IL9: variants seen among roughly 807,000 people sequenced by gnomAD.
IL9 encodes the protein interleukin-9.
In IL9, 16 loss-of-function variants were observed where a neutral mutation model predicts 12.9. That is an observed-to-expected ratio of 1.24 (90% confidence interval 0.84 to 1.88). The LOEUF is 1.88. Among genes scored for constraint, IL9 ranks in the 40% most tolerant of loss-of-function variants. IL9 has a pLI of 0.00. For missense variants in IL9, 170 were observed against 173.1 expected (o/e 0.98, Z 0.10); for synonymous variants, 69 against 63.8 (o/e 1.08, Z -0.39).
Position 135,895,575 on chromosome 5 carries a change from T to G in IL9, c.130A>C (p.Lys44Gln). The G allele has an allele frequency of 6.2e-7, 1 of 1,614,186 alleles. No individual in the cohort carries two copies. ...CTCACATTAGCACTGCAGTGGCACT[T>G]GGAAGCTGGATCTTCCTAAAGTAGA... ...INKMQEDPAS[K>Q]CHCSANVTSC... The change falls in exon 2 of 5, where the codon AAG (lysine) becomes CAG (glutamine). Residue 44 changes from lysine to glutamine, a missense_variant. Lys to Gln is a moderately conservative substitution (Grantham distance 53, BLOSUM62 1). Coordinates refer to ENST00000274520, the MANE Select transcript of IL9 (RefSeq NM_000590.2).
At chr5:135,895,376 A>G in intron 3 of IL9, 64 bp downstream of exon 3, 4 of 1,345,698 alleles carry the variant, frequency 3.0e-6, no homozygotes, top group Non-Finnish European at 4.1e-6. Context: ...AAAGCAACTT[A>G]TTTTTACTTA....
chr5:135,895,762 G>A lies in IL9; in HGVS notation c.55C>T (p.Gln19Ter), dbSNP rs1762931768. ...SALLLCSVAG[Q>*]GCPTLAGILD... ...ATCCCCGCCAAGGTTGGACACCCCT[G>A]GCCTGCCACGGAGCACAGGAGCAGG... The change falls in exon 1 of 5, where the codon CAG becomes TAG. Residue 19 changes from glutamine to a stop codon, truncating the protein, a stop_gained. Transcript: ENST00000274520. LOFTEE classifies it high-confidence loss of function. 1 of 1,614,002 alleles carries A rather than the reference G, an allele frequency of 6.2e-7. No individual in the cohort carries two copies. The highest frequency in any genetic ancestry group is 1.1e-5 in the South Asian group (1 of 91,068).
At chr5:135,895,319 C>T (rs1336019644) in intron 3 of IL9, 121 bp downstream of exon 3, 14 of 784,572 alleles carry the variant, frequency 1.8e-5, no homozygotes, top group Non-Finnish European at 2.8e-5. Context: ...GAATACTAAT[C>T]TGTAACAATT....
Position 135,895,817 on chromosome 5 carries a change from C to T in IL9, c.-1G>A. 6.2e-7 allele frequency: 1 copy of T among 1,607,978 alleles called. No homozygotes were observed. The highest frequency in any genetic ancestry group is 1.1e-5 in the South Asian group (1 of 90,780). On this transcript the variant is annotated 5_prime_UTR_variant, in exon 1 of 5. Transcript: ENST00000274520. Reference sequence around the variant, plus strand: ...AGGTAAGGACCATGGCCAGAAGCATCTTGACAGCGGACTGGAGCTCGCTTG... The same window carrying T: ...AGGTAAGGACCATGGCCAGAAGCATTTTGACAGCGGACTGGAGCTCGCTTG...
chr5:135,892,465 C>A lies in IL9; in HGVS notation c.361G>T (p.Ala121Ser), dbSNP rs534018695. 1.2e-6 allele frequency: 2 copies of A among 1,613,242 alleles called. No homozygotes were observed. Among genetic ancestry groups the A allele is most frequent in the Non-Finnish European group, 1.7e-6 (2 of 1,179,636 alleles). The change falls in exon 5 of 5, where the codon GCG (alanine) becomes TCG (serine). Residue 121 changes from alanine to serine, a missense_variant. Coordinates refer to ENST00000274520, the MANE Select transcript of IL9 (RefSeq NM_000590.2). Reference sequence around the variant, plus strand: ...AGAAGACTCTTCAGAAATGTCAGCGCGTTGCCTGCCGTGGTTTGGTTGCAT... The same window carrying A: ...AGAAGACTCTTCAGAAATGTCAGCGAGTTGCCTGCCGTGGTTTGGTTGCAT... Reference protein sequence around the residue: ...QPCNQTTAGNALTFLKSLLEI... With the variant: ...QPCNQTTAGNSLTFLKSLLEI...
chr5:135,892,878 C>G (rs1581081308), intron 4 of IL9, among the ~76,000 whole-genome samples: 1 of 151,942 alleles, frequency 6.6e-6, no homozygotes, highest in South Asian at 2.1e-4. Context: ...GTTGTCTTTC[C>G]AAGGTCATTT....
intron 4 of IL9, among the ~76,000 whole-genome samples, chr5:135,892,913 G>T (rs189924134): frequency 6.6e-6 from 1 of 152,098 alleles, no homozygotes; most frequent in Non-Finnish European, 1.5e-5. Flanking sequence ...TAAGAGTGGG[G>T]CTCTGAGGTC....
Position 135,895,804 on chromosome 5 carries a change from T to C in IL9, c.13A>G (p.Met5Val). The C allele has an allele frequency of 2.5e-6, 4 of 1,613,192 alleles. No individual in the cohort carries two copies. The highest frequency in any genetic ancestry group is 1.3e-5 in the African/African-American group (1 of 75,000). ...AGGAGCAGGGCAGAGGTAAGGACCA[T>C]GGCCAGAAGCATCTTGACAGCGGAC... MLLA[M>V]VLTSALLLCS... Residue 5 changes from methionine (M) to valine (V), a missense_variant, in exon 1 of 5, where the codon ATG (methionine) becomes GTG (valine). Met to Val is a conservative substitution (Grantham distance 21, BLOSUM62 1). Transcript: ENST00000274520.
chr5:135,892,749 C>A, intron 4 of IL9, among the ~76,000 whole-genome samples: 1 of 117,870 alleles, frequency 8.5e-6, no homozygotes, highest in African/African-American at 3.0e-5. Context: ...CACACACACA[C>A]ACACACACAC....
chr5:135,894,068 G>A lies in IL9; in HGVS notation c.267C>T (p.Phe89=), dbSNP rs1762910503. Residue 89 remains phenylalanine (F), a synonymous_variant, in exon 4 of 5, where the codon TTC becomes TTT. Transcript: ENST00000274520. The part of the protein sequence containing the change: ...TTMQTRYPLI[F]SRVKKSVEVL... ...CTTCAACTGATTTTTTCACCCGACT[G>A]AAAATCAGTGGGTATCTTGTTTGCA... 1.9e-6 allele frequency: 3 copies of A among 1,612,722 alleles called. No homozygotes were observed. The highest frequency in any genetic ancestry group is 2.5e-6 in the Non-Finnish European group (3 of 1,179,504).
At chr5:135,893,974 A>G (rs372128989) in intron 4 of IL9, 46 bp downstream of exon 4, 4 of 1,560,766 alleles carry the variant, frequency 2.6e-6, no homozygotes, top group South Asian at 1.2e-5. Flanking sequence ...CACCATTCAC[A>G]TAGAAATCAC....
Position 135,892,447 on chromosome 5 carries a change from T to A in IL9, c.379A>T (p.Ser127Cys), listed in dbSNP as rs1358669535. The change falls in exon 5 of 5, where the codon AGT becomes TGT. Residue 127 changes from serine to cysteine, a missense_variant. By Grantham distance (112) the Ser-to-Cys change is moderately radical (BLOSUM62 -1). Transcript: ENST00000274520. ...TCTTTCTGGAAAATTTCCAGAAGAC[T>A]CTTCAGAAATGTCAGCGCGTTGCCT... ...TAGNALTFLK[S>C]LLEIFQKEKM... 2 of 1,613,106 alleles carry A rather than the reference T, an allele frequency of 1.2e-6. No homozygotes were observed. The highest frequency in any genetic ancestry group is 3.3e-5 in the Admixed American group (2 of 59,910).
At chr5:135,893,303 T>C (rs1033947599) in intron 4 of IL9, among the ~76,000 whole-genome samples, 8 of 152,166 alleles carry the variant, frequency 5.3e-5, no homozygotes, top group Non-Finnish European at 1.2e-4. Context: ...CCTGGGTGCA[T>C]TGCCCTTTAA....
intron 4 of IL9, among the ~76,000 whole-genome samples, chr5:135,892,867 G>A (rs1168082303): frequency 1.3e-5 from 2 of 151,820 alleles, no homozygotes; most frequent in Non-Finnish European, 2.9e-5. Context: ...TATCCTTTTA[G>A]GTTGTCTTTC....
rs766184152 is a variant in IL9, at chr5:135,895,440, A to G, written c.183T>C (p.Ser61=). ...VTSCLCLGIP[S]DNCTRPCFSE... ...CATTATGTTATTTCACTATACTTAC[A>G]GAGGGAATGCCCAAACAGAGACAAC... The change falls in exon 3 of 5, where the codon TCT becomes TCC. Residue 61 remains serine (S), a splice_region_variant and synonymous_variant. Coordinates refer to ENST00000274520, the MANE Select transcript of IL9 (RefSeq NM_000590.2). 18 of 1,613,044 alleles carry G rather than the reference A, an allele frequency of 1.1e-5. No individual in the cohort carries two copies. The highest frequency in any genetic ancestry group is 1.7e-4 in the Middle Eastern group (1 of 6,054).
chr5:135,895,243 A>G (rs979046057), intron 3 of IL9, among the ~76,000 whole-genome samples, 197 bp downstream of exon 3: 3 of 152,224 alleles, frequency 2.0e-5, no homozygotes, highest in Non-Finnish European at 2.9e-5. Flanking sequence ...AGAAATGTTC[A>G]TAATATAGGA....
At chr5:135,893,773 T>A (rs1047397894) in intron 4 of IL9, among the ~76,000 whole-genome samples, 10 of 152,250 alleles carry the variant, frequency 6.6e-5, no homozygotes, top group Non-Finnish European at 1.2e-4. Context: ...AAGGATTCTT[T>A]CATTATTCCA....
At chr5:135,893,222 G>A (rs2069888) in intron 4 of IL9, among the ~76,000 whole-genome samples, 3,946 of 152,294 alleles carry the variant, frequency 0.026, 78 homozygotes, top group Non-Finnish European at 0.039. Context: ...TGCTGTCAGG[G>A]ACTAGGGTAT....
In IL9 at chr5:135,895,530, A is replaced by G. The variant is rs373246078; in HGVS notation, c.150+25T>C. On this transcript the variant is annotated intron_variant, in intron 2 of 4. Transcript: ENST00000274520. ...ATGTGAAAATTAAAATTAATTTGGA[A>G]AGTTCTTAAAGAGCATTCACTCACA... 1.4e-4 allele frequency: 229 copies of G among 1,613,658 alleles called. 1 individual carries two copies. The highest frequency in any genetic ancestry group is 1.8e-4 in the Non-Finnish European group (211 of 1,179,794).
Sources: allele counts gnomAD v4.1 joint callset (sites outside exome capture counted in the v4.1 genomes callset), GRCh38; gene constraint gnomAD v4.1.1; transcripts MANE v1.5; gene names NCBI Gene and HGNC (gene_info 2026-07-23, HGNC 2026-07-21).